The following BIRC7 variants were observed in gnomAD, a reference collection of about 807,000 sequenced individuals.
BIRC7 encodes the protein baculoviral IAP repeat containing 7.
BIRC7 carries 26 observed loss-of-function variants against 33.2 expected under a neutral mutation model. The observed-to-expected ratio is 0.78, with a 90% CI of 0.57 to 1.09. The LOEUF (loss-of-function observed/expected upper bound fraction) is 1.09. Among genes scored for constraint, BIRC7 ranks in the 50% least tolerant of loss-of-function variants. The pLI is 0.00. For missense variants in BIRC7, 409 were observed against 401.2 expected, an observed-to-expected ratio of 1.02 and a Z score of -0.17; for synonymous variants, 176 against 171.0, an observed-to-expected ratio of 1.03 and a Z score of -0.23.
In BIRC7 at chr20:63,238,586, G is replaced by A. The variant is rs147960898; in HGVS notation, c.549G>A (p.Pro183=). The A allele has an allele frequency of 1.4e-4, 224 of 1,613,006 alleles. 1 individual carries two copies. Among genetic ancestry groups the A allele is most frequent in the African/African-American group, 4.3e-4 (32 of 75,060 alleles). Residue 183 remains proline, a synonymous_variant, in exon 4 of 7, where the codon CCG becomes CCA. Coordinates refer to ENST00000217169, the MANE Select transcript of BIRC7 (RefSeq NM_139317.3). The part of the protein sequence containing the change: ...LLGSWDPWEE[P]EDAAPVAPSV... ...CCTTCCAGGACCCGTGGGAAGAACCGGAAGACGCAGCCCCTGTGGCCCCCT... is the reference window on the plus strand; with the variant it reads ...CCTTCCAGGACCCGTGGGAAGAACCAGAAGACGCAGCCCCTGTGGCCCCCT...
intron 1 of BIRC7, among the ~76,000 whole-genome samples, 157 bp downstream of exon 1, chr20:63,236,602 A>G (rs1249536213): frequency 6.6e-6 from 1 of 152,160 alleles, no homozygotes; most frequent in African/African-American, 2.4e-5. Flanking sequence ...TCCAGTGCCC[A>G]TGGGCTCGTG....
intron 4 of BIRC7, 108 bp from the exon 5 acceptor site, chr20:63,239,054 C>T: frequency 8.8e-7 from 1 of 1,141,294 alleles, no homozygotes; most frequent in Non-Finnish European, 1.3e-6. Flanking sequence ...CTCTGCAGCC[C>T]CTCCACTCCC....
In BIRC7 at chr20:63,239,513, C is replaced by T; in HGVS notation, c.805C>T (p.His269Tyr). The T allele has an allele frequency of 6.2e-7, 1 of 1,606,046 alleles. No individual in the cohort carries two copies. The highest frequency in any genetic ancestry group is 2.2e-5 in the East Asian group (1 of 44,856). Residue 269 changes from histidine (H) to tyrosine (Y), a missense_variant, in exon 6 of 7, where the codon CAC becomes TAC. By Grantham distance (83) the His-to-Tyr change is moderately conservative. Coordinates refer to ENST00000217169, the MANE Select transcript of BIRC7 (RefSeq NM_139317.3). Reference sequence around the variant, plus strand: ...GTCCATCGTCTTTGTGCCGTGCGGCCACCTGGTCTGTGCTGAGTGTGCCCC... The same window carrying T: ...GTCCATCGTCTTTGTGCCGTGCGGCTACCTGGTCTGTGCTGAGTGTGCCCC... ...AVSIVFVPCG[H>Y]LVCAECAPGL...
chr20:63,237,757 C>T, intron 1 of BIRC7, 146 bp from the exon 2 acceptor site: 1 of 613,068 alleles, frequency 1.6e-6, no homozygotes, highest in African/African-American at 1.9e-5. Flanking sequence ...GTGACATCCC[C>T]CACCAAGCCC....
At position 63,236,060 on chromosome 20, in the gene BIRC7, T is replaced by G. The variant is rs2066685751; in HGVS notation, c.-37T>G. On this transcript the variant is annotated 5_prime_UTR_variant, in exon 1 of 7. It adds an upstream start codon to the 5' untranslated region. Coordinates refer to ENST00000217169, the MANE Select transcript of BIRC7 (RefSeq NM_139317.3). ...TCTGAGATTGGCCATCAGCCCCCAT[T>G]TCTGCTGCAAACCTGGTCAGAGCCA... 12 of 1,481,096 alleles carry G rather than the reference T, an allele frequency of 8.1e-6. No homozygotes were observed. Among genetic ancestry groups the G allele is most frequent in the Non-Finnish European group, 1.1e-5 (12 of 1,105,604 alleles). The allele number at this position is 1,481,096 out of a possible 1,614,324, so 91.7% of individuals were successfully genotyped here.
In BIRC7 at chr20:63,236,233, G is replaced by A; in HGVS notation, c.137G>A (p.Arg46Lys). The change falls in exon 1 of 7, where the codon AGA (arginine) becomes AAA (lysine). Residue 46 changes from arginine (R) to lysine (K), a missense_variant. Arg to Lys is a conservative substitution (Grantham distance 26). Coordinates refer to ENST00000217169, the MANE Select transcript of BIRC7 (RefSeq NM_139317.3). ...GSPVLGLDTCRAWDHVDGQIL... is the reference protein window; with the variant it reads ...GSPVLGLDTCKAWDHVDGQIL... The stretch of plus-strand genomic sequence containing the variant: ...CCTGTCCTAGGCCTGGACACCTGCA[G>A]AGCCTGGGACCACGTGGATGGGCAG... 2 of 1,596,038 alleles carry A rather than the reference G, an allele frequency of 1.3e-6. No homozygotes were observed. The highest frequency in any genetic ancestry group is 1.7e-6 in the Non-Finnish European group (2 of 1,170,866).
chr20:63,239,589 G>GCAC lies in BIRC7; in HGVS notation c.883_885dup (p.Thr295dup), dbSNP rs765972192. The GCAC allele has an allele frequency of 1.3e-6, 2 of 1,597,242 alleles. No individual in the cohort carries two copies. Among genetic ancestry groups the GCAC allele is most frequent in the Admixed American group, 1.7e-5 (1 of 59,818 alleles). Reference sequence around the variant, plus strand: ...AGAGCCCCCGTCCGCAGCCGCGTGCGCACCTTCCTGTCCTAGGCCAGGTGA... The same window carrying GCAC: ...AGAGCCCCCGTCCGCAGCCGCGTGCGCACCACCTTCCTGTCCTAGGCCAGGTGA... On this transcript the variant is annotated inframe_insertion, in exon 6 of 7. Transcript: ENST00000217169.
intron 1 of BIRC7, among the ~76,000 whole-genome samples, chr20:63,237,184 G>A (rs966851117): frequency 6.6e-6 from 1 of 152,208 alleles, no homozygotes; most frequent in Non-Finnish European, 1.5e-5. Flanking sequence ...AAGACAGCTG[G>A]TCGGGGGGAC....
intron 2 of BIRC7, 134 bp from the exon 3 acceptor site, chr20:63,238,262 C>T (rs1413945396): frequency 3.6e-6 from 4 of 1,122,012 alleles, no homozygotes; most frequent in Non-Finnish European, 5.3e-6. Context: ...CCACAGCAGC[C>T]CTCCTCGCCC....
chr20:63,236,813 AGAG>A (rs1366867370), intron 1 of BIRC7, among the ~76,000 whole-genome samples: 1 of 152,146 alleles, frequency 6.6e-6, no homozygotes, highest in East Asian at 1.9e-4. Context: ...CTGCACAGGG[AGAG>A]GAGATGTTTA....
rs2035285653 is a variant in BIRC7 at position 63,239,497 on chromosome 20, CTT to C, written c.791_792del (p.Phe264CysfsTer10). 2 of 1,606,684 alleles carry C rather than the reference CTT, an allele frequency of 1.2e-6. No individual in the cohort carries two copies. Among genetic ancestry groups the C allele is most frequent in the Admixed American group, 1.7e-5 (1 of 59,994 alleles). On this transcript the variant is annotated frameshift_variant, in exon 6 of 7. Transcript: ENST00000217169. LOFTEE classifies it high-confidence loss of function. ...GCCTGGACCGCGCCGTGTCCATCGT[CTT>C]TGTGCCGTGCGGCCACCTGGTCTGT... is the stretch of plus-strand genomic sequence containing the variant. Reference protein sequence around the residue: ...VCLDRAVSIVFVPCGHLVCAE... With the variant: ...VCLDRAVSIVXVPCGHLVCAE...
At chr20:63,238,769 T>G in intron 4 of BIRC7, 155 bp downstream of exon 4, 1 of 1,059,690 alleles carries the variant, frequency 9.4e-7, no homozygotes, top group Non-Finnish European at 1.4e-6. Context: ...CAGGGGGCTG[T>G]GCCATGTGAG....
chr20:63,239,651 A>G, intron 6 of BIRC7, 41 bp downstream of exon 6: 1 of 1,555,430 alleles, frequency 6.4e-7, no homozygotes, highest in African/African-American at 1.4e-5. Context: ...CCTCCTGCGG[A>G]GGGGGCCCTG....
chr20:63,239,572 C>G lies in BIRC7; in HGVS notation c.864C>G (p.Pro288=), dbSNP rs985717864. 3.7e-6 allele frequency: 6 copies of G among 1,600,552 alleles called. 1 individual carries two copies. The highest frequency in any genetic ancestry group is 1.7e-5 in the Admixed American group (1 of 59,924). The change falls in exon 6 of 7, where the codon CCC becomes CCG. Residue 288 remains proline (P), a synonymous_variant. Transcript: ENST00000217169. ...AGCTGTGCCCCATCTGCAGAGCCCC[C>G]GTCCGCAGCCGCGTGCGCACCTTCC... ...GLQLCPICRA[P]VRSRVRTFLS
rs769713600 is a variant in BIRC7, at chr20:63,236,300, G to A, written c.204G>A (p.Glu68=). The part of the protein sequence containing the change: ...QLRPLTEEEE[E]EGAGATLSRG... ...GGCCCCTGACAGAGGAGGAAGAGGAGGAGGGCGCCGGGGCCACCTTGTCCA... is the reference window on the plus strand; with the variant it reads ...GGCCCCTGACAGAGGAGGAAGAGGAAGAGGGCGCCGGGGCCACCTTGTCCA... The change falls in exon 1 of 7, where the codon GAG becomes GAA. Residue 68 remains glutamate (E), a synonymous_variant. Coordinates refer to ENST00000217169, the MANE Select transcript of BIRC7 (RefSeq NM_139317.3). The A allele has an allele frequency of 1.2e-6, 2 of 1,610,926 alleles. No homozygotes were observed. Among genetic ancestry groups the A allele is most frequent in the South Asian group, 1.1e-5 (1 of 90,950 alleles).
chr20:63,238,954 A>C lies in BIRC7; in HGVS notation c.578-208A>C, dbSNP rs988411060. 4.6e-6 allele frequency: 3 copies of C among 646,158 alleles called. No homozygotes were observed. In the African/African-American group the frequency reaches 5.5e-5, roughly 12 times the overall value. 40.0% of individuals were successfully genotyped at this position (646,158 alleles called of 1,614,324 possible). ...CAGGATGTGCAGAGGGCATTGGACA[A>C]GGGACAGGCTCTCTGGTGGCGCCTC... On this transcript the variant is annotated intron_variant, in intron 4 of 6. Coordinates refer to ENST00000217169, the MANE Select transcript of BIRC7 (RefSeq NM_139317.3).
Position 63,236,220 on chromosome 20 carries a change from C to T in BIRC7, c.124C>T (p.Leu42=). Residue 42 remains leucine (L), a synonymous_variant, in exon 1 of 7, where the codon CTG becomes TTG. Transcript: ENST00000217169. ...PRSLGSPVLG[L]DTCRAWDHVD... is the part of the protein sequence containing the mutation. ...CTCTCTGGGCAGCCCTGTCCTAGGCCTGGACACCTGCAGAGCCTGGGACCA... is the reference window on the plus strand; with the variant it reads ...CTCTCTGGGCAGCCCTGTCCTAGGCTTGGACACCTGCAGAGCCTGGGACCA... The T allele has an allele frequency of 6.3e-7, 1 of 1,591,456 alleles. No homozygotes were observed.
intron 4 of BIRC7, chr20:63,238,847 C>G: frequency 1.5e-6 from 1 of 652,558 alleles, no homozygotes; most frequent in South Asian, 1.9e-5. Flanking sequence ...CCAGCTTACC[C>G]CTTGGGCACA....
Position 63,238,494 on chromosome 20 carries a change from C to A in BIRC7, c.531+17C>A. 1 of 1,612,972 alleles carries A rather than the reference C, an allele frequency of 6.2e-7. No individual in the cohort carries two copies. Among genetic ancestry groups the A allele is most frequent in the Non-Finnish European group, 8.5e-7 (1 of 1,179,872 alleles). Reference sequence around the variant, plus strand: ...GGCTCCTGGGTGAGCGCCACCTCTCCTCGGGGCTCCGGGTGGCAGTGGGGT... The same window carrying A: ...GGCTCCTGGGTGAGCGCCACCTCTCATCGGGGCTCCGGGTGGCAGTGGGGT... On this transcript the variant is annotated intron_variant, in intron 3 of 6. Transcript: ENST00000217169.
Sources: gnomAD v4.1 joint callset for allele counts (sites outside exome capture counted in the v4.1 genomes callset) on GRCh38, gnomAD v4.1.1 for gene constraint, MANE v1.5 for transcripts, NCBI Gene and HGNC (gene_info 2026-07-23, HGNC 2026-07-21) for gene names.